Variants in SUGT1 observed in about 807,000 individuals in gnomAD.
SUGT1 encodes the protein protein SGT1 homolog.
A neutral mutation model predicts 56.1 loss-of-function variants in SUGT1; 15 were observed. The ratio of observed to expected loss-of-function variants is 0.27; its 90% confidence interval spans 0.18 to 0.41. SUGT1 has a LOEUF of 0.41. Ranked by LOEUF, SUGT1 falls within the 10% of genes least tolerant of loss-of-function variation. The probability of loss-of-function intolerance (pLI) is 1.00; values close to 1 mark genes in which losing one functional copy is unlikely to be tolerated. For missense variants in SUGT1, 347 were observed against 382.2 expected (o/e 0.91, Z 0.77); for synonymous variants, 123 against 128.6 (o/e 0.96, Z 0.30).
rs1267314306 is a variant in SUGT1, at chr13:52,690,586, A to G, written c.*2751A>G. 1 of 152,116 alleles carries G rather than the reference A, an allele frequency of 6.6e-6. No homozygotes were observed. Among genetic ancestry groups the G allele is most frequent in the Non-Finnish European group, 1.5e-5 (1 of 68,024 alleles). The allele number at this position is 152,116 out of a possible 1,614,324, so 9.4% of individuals were successfully genotyped here. A position where few individuals can be genotyped will look rare whatever the true frequency, so the allele number is the denominator to read the frequency against. On this transcript the variant is annotated 3_prime_UTR_variant, in exon 13 of 13. Coordinates refer to ENST00000310528, the MANE Select transcript of SUGT1 (RefSeq NM_006704.5). Reference sequence around the variant, plus strand: ...ACCTTGATGAATCCAGAATTCTCCCACTGTCTTCAAAGAATCTTGAATAGA... The same window carrying G: ...ACCTTGATGAATCCAGAATTCTCCCGCTGTCTTCAAAGAATCTTGAATAGA...
intron 7 of SUGT1, 27 bp from the exon 8 acceptor site, chr13:52,664,008 A>G: frequency 1.2e-6 from 2 of 1,611,714 alleles, no homozygotes; most frequent in Non-Finnish European, 1.7e-6. Context: ...TTCTCTTTCA[A>G]CTTACCAAAA....
At position 52,689,544 on chromosome 13, in the gene SUGT1, T is replaced by G. The variant is rs1963713982; in HGVS notation, c.*1709T>G. 1 of 152,248 alleles carries G rather than the reference T, an allele frequency of 6.6e-6. No individual in the cohort carries two copies. The highest frequency in any genetic ancestry group is 2.4e-5 in the African/African-American group (1 of 41,456). 9.4% of individuals were successfully genotyped at this position (152,248 alleles called of 1,614,324 possible). On this transcript the variant is annotated 3_prime_UTR_variant, in exon 13 of 13. Coordinates refer to ENST00000310528, the MANE Select transcript of SUGT1 (RefSeq NM_006704.5). The stretch of plus-strand genomic sequence containing the variant: ...ACTACCTTCATAATCTTCAGCAGGT[T>G]TAGGCCTTTCTTAGTTCCTTTGTAA...
chr13:52,653,248 C>T, intron 2 of SUGT1, 145 bp downstream of exon 2: 2 of 1,009,832 alleles, frequency 2.0e-6, no homozygotes, highest in South Asian at 3.1e-5. Context: ...TATTGAGATT[C>T]TCCGTCTCTT....
intron 12 of SUGT1, among the ~76,000 whole-genome samples, chr13:52,683,016 A>G (rs1342369718): frequency 3.3e-5 from 5 of 152,110 alleles, no homozygotes; most frequent in East Asian, 1.9e-4. Flanking sequence ...AATGTGGACA[A>G]TCATCTTCAA....
chr13:52,656,623 G>C (rs549223087), intron 2 of SUGT1, among the ~76,000 whole-genome samples: 45 of 152,116 alleles, frequency 3.0e-4, no homozygotes, highest in Non-Finnish European at 5.9e-4. Flanking sequence ...CAGCTTCTTT[G>C]CTCTCTTGAT....
At chr13:52,662,489 A>G (rs1373388292) in intron 5 of SUGT1, among the ~76,000 whole-genome samples, 160 bp from the exon 6 acceptor site, 2 of 152,230 alleles carry the variant, frequency 1.3e-5, no homozygotes, top group African/African-American at 2.4e-5. Context: ...ATTTATAACT[A>G]TAGTAGAGTT....
chr13:52,663,494 G>T (rs965285812), intron 7 of SUGT1, among the ~76,000 whole-genome samples: 1 of 152,088 alleles, frequency 6.6e-6, no homozygotes, highest in Non-Finnish European at 1.5e-5. Flanking sequence ...AAATTGACAG[G>T]GTCTTGCTCT....
chr13:52,666,681 A>T, intron 9 of SUGT1, 131 bp from the exon 10 acceptor site: 1 of 668,684 alleles, frequency 1.5e-6, no homozygotes, highest in South Asian at 2.0e-5. Flanking sequence ...GAGGTTCTTA[A>T]ATCTAAAATT....
rs375053201 is a variant in SUGT1, at chr13:52,674,226, A to G, written c.628-2004A>G. On this transcript the variant is annotated intron_variant, in intron 10 of 12. Transcript: ENST00000310528. The stretch of plus-strand genomic sequence containing the variant: ...GCCACTATGCCTGGCTATTTTTTGT[A>G]TTTTTAGTAGAGACAGGGTTTTGCC... Among the ~76,000 whole-genome samples, 10 of 151,648 alleles carry G rather than the reference A, an allele frequency of 6.6e-5. No homozygotes were observed. In the East Asian group the frequency reaches 1.6e-3, roughly 24 times the overall value.
At chr13:52,655,837 G>A (rs1409775796) in intron 2 of SUGT1, among the ~76,000 whole-genome samples, 1 of 152,184 alleles carries the variant, frequency 6.6e-6, no homozygotes, top group African/African-American at 2.4e-5. Context: ...TGCTGATGTT[G>A]CCCAGGACCA....
chr13:52,663,022 A>AT (rs1242860322), intron 6 of SUGT1, 74 bp from the exon 7 acceptor site: 1 of 1,518,738 alleles, frequency 6.6e-7, no homozygotes, highest in East Asian at 2.3e-5. Flanking sequence ...TGTTTGTGCT[A>AT]TAGAAATCAT....
intron 10 of SUGT1, among the ~76,000 whole-genome samples, chr13:52,675,305 G>T (rs1464286839): frequency 6.6e-6 from 1 of 152,230 alleles, no homozygotes; most frequent in East Asian, 1.9e-4. Context: ...TGGGCTTGGT[G>T]GCTCATGCCT....
At position 52,700,455 on chromosome 13, in the gene SUGT1, A is replaced by G. The variant is rs1304919783; in HGVS notation, c.*12620A>G. On this transcript the variant is annotated 3_prime_UTR_variant, in exon 13 of 13. Coordinates refer to ENST00000310528, the MANE Select transcript of SUGT1 (RefSeq NM_006704.5). ...CTGTAGTGAGTTCTTCAGTCAGTCA[A>G]CACTAAACCTGTTTTGTAAATTTGA... 2 of 152,186 alleles carry G rather than the reference A, an allele frequency of 1.3e-5. No individual in the cohort carries two copies. Among genetic ancestry groups the G allele is most frequent in the Admixed American group, 6.5e-5 (1 of 15,270 alleles). The allele number at this position is 152,186 out of a possible 1,614,324, so 9.4% of individuals were successfully genotyped here.
chr13:52,657,974 C>A, intron 3 of SUGT1: 1 of 651,706 alleles, frequency 1.5e-6, no homozygotes, highest in Non-Finnish European at 2.1e-6. Flanking sequence ...GTAATCCCAA[C>A]ACTTTGGGAG....
chr13:52,669,104 C>T (rs1382310483), intron 10 of SUGT1, among the ~76,000 whole-genome samples: 1 of 152,018 alleles, frequency 6.6e-6, no homozygotes, highest in African/African-American at 2.4e-5. Context: ...CCTTTTCTGC[C>T]CCTTCCTCTT....
At chr13:52,665,281 G>T (rs529668048) in intron 8 of SUGT1, among the ~76,000 whole-genome samples, 1 of 152,190 alleles carries the variant, frequency 6.6e-6, no homozygotes, top group African/African-American at 2.4e-5. Flanking sequence ...GATGAAATGA[G>T]AGTATAAAAA....
At chr13:52,668,288 C>CT (rs1475588447) in intron 10 of SUGT1, among the ~76,000 whole-genome samples, 1 of 152,024 alleles carries the variant, frequency 6.6e-6, no homozygotes, top group Non-Finnish European at 1.5e-5. Context: ...CCTATTACTC[C>CT]TTTTTTTATA....
intron 10 of SUGT1, among the ~76,000 whole-genome samples, chr13:52,669,913 C>T (rs1314598342): frequency 6.6e-6 from 1 of 152,096 alleles, no homozygotes; most frequent in Non-Finnish European, 1.5e-5. Flanking sequence ...AGGCTTACTT[C>T]GTGGACACTT....
At chr13:52,664,203 G>A in intron 8 of SUGT1, 146 bp downstream of exon 8, 3 of 759,598 alleles carry the variant, frequency 3.9e-6, no homozygotes, top group South Asian at 3.6e-5. Context: ...TTTATGTAAA[G>A]CCAATTTTAA....
Sources: allele counts gnomAD v4.1 joint callset (sites outside exome capture counted in the v4.1 genomes callset), GRCh38; gene constraint gnomAD v4.1.1; transcripts MANE v1.5; gene names NCBI Gene and HGNC (gene_info 2026-07-23, HGNC 2026-07-21).